ADAM12: variants seen among roughly 807,000 people sequenced by gnomAD.
ADAM12 encodes the protein disintegrin and metalloproteinase domain-containing protein 12.
Under a neutral mutation model 106.4 loss-of-function variants are expected in ADAM12, and 70 were observed. The ratio of observed to expected loss-of-function variants is 0.66; its 90% CI spans 0.54 to 0.80. ADAM12 has a LOEUF of 0.80. Ranked by LOEUF, ADAM12 falls within the 30% of genes least tolerant of loss-of-function variation. The probability of loss-of-function intolerance (pLI) is 0.00; values close to 1 mark genes in which losing one functional copy is unlikely to be tolerated. For synonymous variants in ADAM12, 420 were observed against 433.5 expected, an observed-to-expected ratio of 0.97 and a Z score of 0.39; for missense variants, 1,010 against 1,171.9, an observed-to-expected ratio of 0.86 and a Z score of 2.02.
chr10:126,255,978 T>C (rs1958883802), intron 3 of ADAM12, among the ~76,000 whole-genome samples: 2 of 152,134 alleles, frequency 1.3e-5, no homozygotes, highest in African/African-American at 4.8e-5. Flanking sequence ...GTCAGGGCAC[T>C]TACCACCCAG....
At chr10:126,034,517 CAG>C (rs1420473144) in intron 21 of ADAM12, among the ~76,000 whole-genome samples, 2 of 151,996 alleles carry the variant, frequency 1.3e-5, no homozygotes. Flanking sequence ...AAACAAAAAC[CAG>C]AGAGAACAAA....
At chr10:126,025,667 A>G (rs571246757) in intron 21 of ADAM12, among the ~76,000 whole-genome samples, 1 of 152,210 alleles carries the variant, frequency 6.6e-6, no homozygotes, top group East Asian at 1.9e-4. Context: ...ACCCACAAAA[A>G]TCTCATCCAA....
At chr10:126,318,885 C>T (rs1056424844) in intron 2 of ADAM12, among the ~76,000 whole-genome samples, 1 of 152,134 alleles carries the variant, frequency 6.6e-6, no homozygotes, top group South Asian at 2.1e-4. Context: ...AAGCAAGACA[C>T]ATCTTACATG....
At chr10:126,057,560 G>C (rs938088308) in intron 14 of ADAM12, among the ~76,000 whole-genome samples, 1 of 151,816 alleles carries the variant, frequency 6.6e-6, no homozygotes, top group Non-Finnish European at 1.5e-5. Context: ...GCCGGAACTT[G>C]GTCCTGTTTG....
chr10:126,313,797 G>A (rs960057552), intron 2 of ADAM12, among the ~76,000 whole-genome samples: 1 of 152,188 alleles, frequency 6.6e-6, no homozygotes, highest in African/African-American at 2.4e-5. Flanking sequence ...GGGATGGACA[G>A]TTAAGGCTGA....
intron 3 of ADAM12, among the ~76,000 whole-genome samples, chr10:126,261,585 A>G (rs1359226936): frequency 1.3e-5 from 2 of 152,200 alleles, no homozygotes; most frequent in African/African-American, 4.8e-5. Flanking sequence ...TGTGAAGGGC[A>G]GGAACCGTGT....
chr10:126,147,727 C>A (rs1276541604), intron 4 of ADAM12, among the ~76,000 whole-genome samples: 1 of 152,206 alleles, frequency 6.6e-6, no homozygotes, highest in East Asian at 1.9e-4. Context: ...TCCTTTGGTG[C>A]ACTTAGCCCA....
At chr10:126,387,075 A>AG (rs1856688007) in intron 1 of ADAM12, among the ~76,000 whole-genome samples, 1 of 152,222 alleles carries the variant, frequency 6.6e-6, no homozygotes, top group South Asian at 2.1e-4. Context: ...TTCGTGATTT[A>AG]GGCCAGTTGT....
At chr10:126,082,803 C>T (rs1037036474) in intron 11 of ADAM12, among the ~76,000 whole-genome samples, 2 of 152,216 alleles carry the variant, frequency 1.3e-5, no homozygotes, top group African/African-American at 4.8e-5. Context: ...ATTCCCTCTT[C>T]TCTTCCCAAG....
At chr10:126,042,541 A>G (rs1290650412) in intron 18 of ADAM12, among the ~76,000 whole-genome samples, 2 of 152,180 alleles carry the variant, frequency 1.3e-5, no homozygotes, top group African/African-American at 4.8e-5. Flanking sequence ...TCATGGGCAT[A>G]AAATGCACCA....
At chr10:126,128,287 T>C (rs1031885344) in intron 5 of ADAM12, among the ~76,000 whole-genome samples, 1 of 152,032 alleles carries the variant, frequency 6.6e-6, no homozygotes, top group Non-Finnish European at 1.5e-5. Context: ...TACCTGGTGA[T>C]ATGGGGATGG....
chr10:126,230,820 ATTTGGATATT>A (rs1243168434), intron 3 of ADAM12, among the ~76,000 whole-genome samples: 1 of 152,116 alleles, frequency 6.6e-6, no homozygotes, highest in Non-Finnish European at 1.5e-5. Flanking sequence ...CTTGTCCTTG[ATTTGGATATT>A]TTAATAAAAA....
intron 4 of ADAM12, among the ~76,000 whole-genome samples, chr10:126,152,625 T>C (rs1198950460): frequency 6.6e-6 from 1 of 152,018 alleles, no homozygotes; most frequent in African/African-American, 2.4e-5. Flanking sequence ...TCCCATTCCT[T>C]TTCTTAGTTC....
intron 3 of ADAM12, among the ~76,000 whole-genome samples, chr10:126,213,738 C>A (rs1957940599): frequency 6.6e-6 from 1 of 152,154 alleles, no homozygotes. Context: ...CCCAGTGATG[C>A]CAAAAGCATT....
Position 126,190,254 on chromosome 10 carries a change from T to C in ADAM12, c.261-34949A>G, listed in dbSNP as rs542148523. On this transcript the variant is annotated intron_variant, in intron 3 of 22. Coordinates refer to ENST00000448723, the MANE Select transcript of ADAM12 (RefSeq NM_001288973.2). ...TCTCACTCTGTTACCCAGCCTGGAG[T>C]GCAGTGGCATGATCTCAGCTCACTG... Among the ~76,000 whole-genome samples the C allele has an allele frequency of 6.4e-3, 968 of 151,370 alleles. 10 individuals are homozygous for C. Among genetic ancestry groups the C allele is most frequent in the African/African-American group, 0.021 (883 of 41,170 alleles).
chr10:126,133,058 A>G (rs1274178800), intron 5 of ADAM12, among the ~76,000 whole-genome samples: 2 of 152,036 alleles, frequency 1.3e-5, no homozygotes, highest in Admixed American at 1.3e-4. Flanking sequence ...ATCCTGATCC[A>G]AATCTCTTCC....
chr10:126,023,841 C>T (rs1323680281), intron 21 of ADAM12, among the ~76,000 whole-genome samples: 1 of 151,684 alleles, frequency 6.6e-6, no homozygotes, highest in East Asian at 1.9e-4. Flanking sequence ...GCAAAATAGC[C>T]CTTTATGGAA....
At chr10:126,351,109 C>T (rs1373993413) in intron 1 of ADAM12, among the ~76,000 whole-genome samples, 1 of 152,224 alleles carries the variant, frequency 6.6e-6, no homozygotes, top group Non-Finnish European at 1.5e-5. Flanking sequence ...GCAGAGGTGT[C>T]CACGGGCAGT....
At chr10:126,083,728 C>A (rs1314430157) in intron 11 of ADAM12, among the ~76,000 whole-genome samples, 3 of 152,208 alleles carry the variant, frequency 2.0e-5, no homozygotes, top group Non-Finnish European at 4.4e-5. Flanking sequence ...GAAATAGGCG[C>A]CCCGCCTCAA....
Sources: allele counts gnomAD v4.1 joint callset (sites outside exome capture counted in the v4.1 genomes callset), GRCh38; gene constraint gnomAD v4.1.1; transcripts MANE v1.5; gene names NCBI Gene and HGNC (gene_info 2026-07-23, HGNC 2026-07-21).